The following VPS13B variants were observed in gnomAD, a reference collection of about 807,000 sequenced individuals.
VPS13B encodes vacuolar protein sorting 13 homolog B.
In VPS13B, 285 loss-of-function variants were observed where a neutral mutation model predicts 426.4. The observed-to-expected ratio is 0.67, with a 90% CI of 0.61 to 0.74. VPS13B has a LOEUF of 0.74. Ranked by LOEUF, VPS13B falls within the 30% of genes least tolerant of loss-of-function variation. VPS13B has a pLI of 0.00. For synonymous variants in VPS13B, 1,676 were observed against 1,676.4 expected, an observed-to-expected ratio of 1.00 and a Z score of 0.01; for missense variants, 4,537 against 4,782.6, an observed-to-expected ratio of 0.95 and a Z score of 1.51.
intron 19 of VPS13B, chr8:99,347,458 G>A (rs1396296469): frequency 6.4e-6 from 1 of 155,942 alleles, no homozygotes; most frequent in Non-Finnish European, 1.4e-5. Flanking sequence ...GTCTTACCCA[G>A]TTATTGCTTT....
chr8:99,016,622 C>T (rs530060335), intron 2 of VPS13B, among the ~76,000 whole-genome samples: 21 of 119,910 alleles, frequency 1.8e-4, no homozygotes, highest in Non-Finnish European at 3.1e-4. Context: ...GACGGAGTCT[C>T]GCTCTGTTGC....
At chr8:99,441,376 A>T (rs1216639214) in intron 22 of VPS13B, among the ~76,000 whole-genome samples, 1 of 152,158 alleles carries the variant, frequency 6.6e-6, no homozygotes, top group East Asian at 1.9e-4. Flanking sequence ...TTAAAAATGT[A>T]GTCTTTTTGC....
chr8:99,851,962 A>G (rs1294013034), intron 55 of VPS13B, among the ~76,000 whole-genome samples: 1 of 152,140 alleles, frequency 6.6e-6, no homozygotes, highest in Non-Finnish European at 1.5e-5. Flanking sequence ...AGAGGATTAC[A>G]GTTGCTCACA....
intron 42 of VPS13B, among the ~76,000 whole-genome samples, chr8:99,783,273 G>C (rs775207001): frequency 1.3e-5 from 2 of 152,186 alleles, no homozygotes; most frequent in Non-Finnish European, 2.9e-5. Context: ...AAATGATGGA[G>C]TGTGACATTT....
At chr8:99,668,126 A>T (rs1268885854) in intron 35 of VPS13B, among the ~76,000 whole-genome samples, 2 of 152,146 alleles carry the variant, frequency 1.3e-5, no homozygotes, top group Non-Finnish European at 2.9e-5. Context: ...GAATGTCTTG[A>T]ACTATATTAG....
intron 21 of VPS13B, among the ~76,000 whole-genome samples, chr8:99,420,693 C>T (rs1370969440): frequency 1.3e-5 from 2 of 152,146 alleles, no homozygotes; most frequent in Non-Finnish European, 1.5e-5. Context: ...TGCTCAGCTC[C>T]TCCTTTGGAG....
chr8:99,577,342 C>A, intron 32 of VPS13B, 148 bp from the exon 33 acceptor site: 1 of 976,540 alleles, frequency 1.0e-6, no homozygotes, highest in Non-Finnish European at 1.6e-6. Flanking sequence ...AGTGGCTGTG[C>A]TCACCATTTT....
intron 19 of VPS13B, among the ~76,000 whole-genome samples, chr8:99,332,873 C>T (rs970506237): frequency 6.6e-6 from 1 of 151,496 alleles, no homozygotes; most frequent in Non-Finnish European, 1.5e-5. Context: ...AAAGTTGGCT[C>T]ACATGTTTTT....
At chr8:99,065,783 A>G (rs1211294097) in intron 3 of VPS13B, among the ~76,000 whole-genome samples, 2 of 152,222 alleles carry the variant, frequency 1.3e-5, no homozygotes, top group Non-Finnish European at 2.9e-5. Flanking sequence ...AAATCTCCTT[A>G]AGCTGATAAG....
At chr8:99,064,925 C>G (rs1331423516) in intron 3 of VPS13B, among the ~76,000 whole-genome samples, 2 of 152,192 alleles carry the variant, frequency 1.3e-5, no homozygotes, top group African/African-American at 4.8e-5. Context: ...AGAAACTCTA[C>G]AAGCCAGAAG....
rs556521887 is a variant in VPS13B, at chr8:99,546,884, A to G, written c.4746-9566A>G. Among the ~76,000 whole-genome samples, 5 of 152,242 alleles carry G rather than the reference A, an allele frequency of 3.3e-5. No homozygotes were observed. In the South Asian group the frequency reaches 1.0e-3, roughly 31 times the overall value. On this transcript the variant is annotated intron_variant, in intron 30 of 61. Coordinates refer to ENST00000357162, the MANE Select transcript of VPS13B (RefSeq NM_152564.5). ...AACAGTTTGGAATTAGTACTTGTTT[A>G]CGTACAGTTTAATTTAGCCACAATT...
chr8:99,028,576 C>T (rs1842288293), intron 2 of VPS13B, among the ~76,000 whole-genome samples: 1 of 122,816 alleles, frequency 8.1e-6, no homozygotes, highest in Admixed American at 7.6e-5. Context: ...AGGGGGCTGA[C>T]CCCCCTCCCC....
rs540017857 is a variant in VPS13B at position 99,723,166 on chromosome 8, C to G, written c.7050+2119C>G. Among the ~76,000 whole-genome samples the G allele has an allele frequency of 2.6e-5, 4 of 152,340 alleles. No individual in the cohort carries two copies. The South Asian group carries it at 8.3e-4, about 32-fold the overall frequency. The stretch of plus-strand genomic sequence containing the variant: ...TCACATTAGACAAGTAACAACCACT[C>G]AGGTTGGATTTTTGTTTTACTTTTT... On this transcript the variant is annotated intron_variant, in intron 39 of 61. Transcript: ENST00000357162.
intron 3 of VPS13B, among the ~76,000 whole-genome samples, chr8:99,081,136 C>T (rs192513478): frequency 2.1e-4 from 32 of 152,324 alleles, no homozygotes; most frequent in African/African-American, 7.2e-4. Flanking sequence ...TGGGGATTCA[C>T]TCTGTTACTG....
At chr8:99,671,169 A>G (rs897122671) in intron 35 of VPS13B, among the ~76,000 whole-genome samples, 2 of 152,138 alleles carry the variant, frequency 1.3e-5, no homozygotes, top group African/African-American at 4.8e-5. Context: ...CTTTTTGATA[A>G]TAGCCATTCT....
rs560913696 is a variant in VPS13B, at chr8:99,649,412, T to C, written c.5908+6914T>C. Reference sequence around the variant, plus strand: ...AATCTCTAAGACTCTCATTTTTTTTTCCCCACTCTTCAGATTGGATAATTT... The same window carrying C: ...AATCTCTAAGACTCTCATTTTTTTTCCCCCACTCTTCAGATTGGATAATTT... On this transcript the variant is annotated intron_variant, in intron 34 of 61. Coordinates refer to ENST00000357162, the MANE Select transcript of VPS13B (RefSeq NM_152564.5). 1.9e-3 allele frequency among the ~76,000 whole-genome samples: 295 copies of C among 152,256 alleles called. 2 individuals are homozygous for C. Among genetic ancestry groups the C allele is most frequent in the African/African-American group, 6.5e-3 (269 of 41,548 alleles).
At chr8:99,852,319 G>A (rs1352582939) in intron 55 of VPS13B, among the ~76,000 whole-genome samples, 2 of 152,210 alleles carry the variant, frequency 1.3e-5, no homozygotes, top group East Asian at 3.8e-4. Context: ...TCCAGGATAA[G>A]TATATACTTT....
Position 99,809,242 on chromosome 8 carries a change from T to C in VPS13B, c.7942-133T>C. 4.5e-6 allele frequency: 5 copies of C among 1,110,832 alleles called. No individual in the cohort carries two copies. The South Asian group carries it at 6.6e-5, about 15-fold the overall frequency. 68.8% of individuals were successfully genotyped at this position (1,110,832 alleles called of 1,614,324 possible). ...GTGGAATAAGTTGGAAGTGGATGAA[T>C]AATGCAGGTTAGAAAGAAAACAGAT... On this transcript the variant is annotated intron_variant, in intron 43 of 61. Transcript: ENST00000357162.
intron 19 of VPS13B, among the ~76,000 whole-genome samples, chr8:99,289,229 G>A (rs1819601707): frequency 6.6e-6 from 1 of 152,060 alleles, no homozygotes; most frequent in African/African-American, 2.4e-5. Context: ...TGATCTTACA[G>A]GAAGAGTTAA....
Sources: gnomAD v4.1 joint callset for allele counts (sites outside exome capture counted in the v4.1 genomes callset) on GRCh38, gnomAD v4.1.1 for gene constraint, MANE v1.5 for transcripts, NCBI Gene and HGNC (gene_info 2026-07-23, HGNC 2026-07-21) for gene names.